RBFA: variants seen among roughly 807,000 people sequenced by gnomAD.
RBFA encodes ribosome binding factor A, also known as putative ribosome-binding factor A, mitochondrial.
RBFA carries 16 observed loss-of-function variants against 27.9 expected under a neutral mutation model. That is an observed-to-expected ratio of 0.57 (90% CI 0.39 to 0.87). The LOEUF is 0.87. RBFA is among the 40% of genes least tolerant of loss of function. The probability of loss-of-function intolerance (pLI) is 0.00; values close to 1 mark genes in which losing one functional copy is unlikely to be tolerated. For missense variants in RBFA, 456 were observed against 432.1 expected (o/e 1.06, Z -0.49); for synonymous variants, 181 against 181.0 (o/e 1.00, Z 0.00).
At chr18:80,037,646 T>G (rs1297994839) in intron 3 of RBFA, 140 bp downstream of exon 3, 6 of 610,012 alleles carry the variant, frequency 9.8e-6, no homozygotes, top group Non-Finnish European at 1.6e-5. Flanking sequence ...TCCTAGCACT[T>G]TGGGAGGCTG....
Position 80,046,103 on chromosome 18 carries a change from G to C in RBFA, c.980G>C (p.Arg327Thr). The change falls in exon 7 of 7, where the codon AGA becomes ACA. Residue 327 changes from arginine to threonine, a missense_variant. Physicochemically the swap from Arg to Thr is moderately conservative, Grantham distance 71 (BLOSUM62 -1). Coordinates refer to ENST00000306735, the MANE Select transcript of RBFA (RefSeq NM_024805.3). Reference protein sequence around the residue: ...APDTEELEAERGGGRTEDGHS... With the variant: ...APDTEELEAETGGGRTEDGHS... Reference sequence around the variant, plus strand: ...GACACAGAGGAGTTGGAGGCAGAGAGAGGAGGTGGCAGAACAGAGGATGGC... The same window carrying C: ...GACACAGAGGAGTTGGAGGCAGAGACAGGAGGTGGCAGAACAGAGGATGGC... 1.2e-6 allele frequency: 2 copies of C among 1,614,180 alleles called. No individual in the cohort carries two copies. Among genetic ancestry groups the C allele is most frequent in the Non-Finnish European group, 1.7e-6 (2 of 1,180,028 alleles).
chr18:80,042,059 A>G (rs1016357196), intron 4 of RBFA, 76 bp from the exon 5 acceptor site: 10 of 1,093,398 alleles, frequency 9.1e-6, no homozygotes, highest in African/African-American at 6.4e-5. Flanking sequence ...ATCTTGAATC[A>G]TATGTTCAGC....
intron 4 of RBFA, among the ~76,000 whole-genome samples, chr18:80,040,675 T>TG (rs1176453288): frequency 1.3e-5 from 2 of 152,030 alleles, no homozygotes; most frequent in African/African-American, 2.4e-5. Context: ...ATTGATTTTG[T>TG]GGGGGGGAGT....
In RBFA at chr18:80,036,649, G is replaced by A. The variant is rs1332042438; in HGVS notation, c.159-19G>A. On this transcript the variant is annotated intron_variant, in intron 1 of 6. Coordinates refer to ENST00000306735, the MANE Select transcript of RBFA (RefSeq NM_024805.3). ...TTGACTTTGCCATCACTAACATAAT[G>A]CTTATTTTCTCCCCAAAGAAAAAAG... The A allele has an allele frequency of 1.9e-6, 3 of 1,604,668 alleles. No homozygotes were observed. The highest frequency in any genetic ancestry group is 2.2e-5 in the East Asian group (1 of 44,818).
At chr18:80,042,508 A>G (rs975535230) in intron 5 of RBFA, among the ~76,000 whole-genome samples, 2 of 152,066 alleles carry the variant, frequency 1.3e-5, no homozygotes, top group Admixed American at 1.3e-4. Flanking sequence ...CAGTGGCTCA[A>G]GCCTGTAATC....
At position 80,034,488 on chromosome 18, in the gene RBFA, G is replaced by A. The variant is rs1004390600; in HGVS notation, c.-8G>A. ...CTCCCTGCTCGCTCCGGGTCCCGGC[G>A]CCGCGCCATGTGGGCTGCGGCGGGC... On this transcript the variant is annotated 5_prime_UTR_variant, in exon 1 of 7. Coordinates refer to ENST00000306735, the MANE Select transcript of RBFA (RefSeq NM_024805.3). 1.3e-6 allele frequency: 2 copies of A among 1,527,690 alleles called. No individual in the cohort carries two copies. The allele number at this position is 1,527,690 out of a possible 1,614,324, so 94.6% of individuals were successfully genotyped here.
Position 80,049,825 on chromosome 18 carries a change from A to G in RBFA, c.*3670A>G, listed in dbSNP as rs1352210295. The stretch of plus-strand genomic sequence containing the variant: ...AAGACTGGACCCAACATCCAGCACA[A>G]TGCCTCTCAGCCTTGGCTGTGCATC... On this transcript the variant is annotated 3_prime_UTR_variant, in exon 7 of 7. Transcript: ENST00000306735. 6.6e-6 allele frequency among the ~76,000 whole-genome samples: 1 copy of G among 152,178 alleles called. No individual in the cohort carries two copies.
In RBFA at chr18:80,046,214, A is replaced by G. The variant is rs1017270954; in HGVS notation, c.*59A>G. ...GAAAAGCATTGGCACGCAACGCAGC[A>G]TGTGGCTTCATTGAGGCAGTTGATG... On this transcript the variant is annotated 3_prime_UTR_variant, in exon 7 of 7. Coordinates refer to ENST00000306735, the MANE Select transcript of RBFA (RefSeq NM_024805.3). 3.2e-6 allele frequency: 5 copies of G among 1,547,898 alleles called. No homozygotes were observed. Among genetic ancestry groups the G allele is most frequent in the Admixed American group, 3.7e-5 (2 of 53,884 alleles).
intron 5 of RBFA, among the ~76,000 whole-genome samples, chr18:80,043,757 T>G (rs1456488926): frequency 6.6e-6 from 1 of 152,198 alleles, no homozygotes; most frequent in East Asian, 1.9e-4. Context: ...GAGGAGCAGT[T>G]TTCTTTTGTA....
Position 80,048,519 on chromosome 18 carries a change from C to T in RBFA, c.*2364C>T, listed in dbSNP as rs1055280787. 5.9e-5 allele frequency among the ~76,000 whole-genome samples: 9 copies of T among 152,320 alleles called. No individual in the cohort carries two copies. In the East Asian group the frequency reaches 1.7e-3, roughly 29 times the overall value. The stretch of plus-strand genomic sequence containing the variant: ...TTTGTCTCAGGTCCTTCTAGCACAT[C>T]TGACAGGGACTAGTGTCTAGAGCCA... On this transcript the variant is annotated 3_prime_UTR_variant, in exon 7 of 7. Coordinates refer to ENST00000306735, the MANE Select transcript of RBFA (RefSeq NM_024805.3).
At position 80,045,936 on chromosome 18, in the gene RBFA, G is replaced by T; in HGVS notation, c.813G>T (p.Leu271=). Reference sequence around the variant, plus strand: ...TGTGGCAGGGGCAGGTGGCTGAGCTGACAACGCAGATGAAAAAGGGAAGGA... The same window carrying T: ...TGTGGCAGGGGCAGGTGGCTGAGCTTACAACGCAGATGAAAAAGGGAAGGA... ...GLVWQGQVAE[L]TTQMKKGRKR... is the part of the protein sequence containing the mutation. Residue 271 remains leucine, a synonymous_variant, in exon 7 of 7, where the codon CTG becomes CTT. Transcript: ENST00000306735. 6.2e-7 allele frequency: 1 copy of T among 1,613,992 alleles called. No homozygotes were observed. The highest frequency in any genetic ancestry group is 8.5e-7 in the Non-Finnish European group (1 of 1,179,962).
intron 6 of RBFA, among the ~76,000 whole-genome samples, chr18:80,044,881 C>T (rs146339748): frequency 1.9e-3 from 295 of 152,350 alleles, no homozygotes; most frequent in African/African-American, 6.7e-3. Context: ...TAGACAGCAG[C>T]GTCAACATCG....
At chr18:80,041,081 G>A (rs1487389309) in intron 4 of RBFA, among the ~76,000 whole-genome samples, 2 of 152,124 alleles carry the variant, frequency 1.3e-5, no homozygotes, top group Non-Finnish European at 2.9e-5. Context: ...TGTGGGCTTC[G>A]TTCCAGGCAC....
chr18:80,044,028 G>A (rs569473481), intron 5 of RBFA, among the ~76,000 whole-genome samples, 184 bp from the exon 6 acceptor site: 1 of 152,372 alleles, frequency 6.6e-6, no homozygotes, highest in Non-Finnish European at 1.5e-5. Context: ...TAAAGTAACA[G>A]TAAGGTATTT....
rs2052049241 is a variant in RBFA at position 80,045,877 on chromosome 18, A to G, written c.754A>G (p.Lys252Glu). The G allele has an allele frequency of 1.2e-6, 2 of 1,607,384 alleles. No homozygotes were observed. The highest frequency in any genetic ancestry group is 2.7e-5 in the African/African-American group (2 of 74,508). ...EALNKQIMEYKRRKDKGLGGL... is the reference protein window; with the variant it reads ...EALNKQIMEYERRKDKGLGGL... The stretch of plus-strand genomic sequence containing the variant: ...GCTCAACAAGCAGATTATGGAGTAC[A>G]AAAGGAGGAAAGATAAAGGGCTCGG... The change falls in exon 7 of 7, where the codon AAA becomes GAA. Residue 252 changes from lysine to glutamate, a missense_variant. Physicochemically the swap from Lys to Glu is moderately conservative, Grantham distance 56. Coordinates refer to ENST00000306735, the MANE Select transcript of RBFA (RefSeq NM_024805.3).
At chr18:80,043,860 A>C (rs2052032819) in intron 5 of RBFA, among the ~76,000 whole-genome samples, 1 of 152,218 alleles carries the variant, frequency 6.6e-6, no homozygotes, top group Non-Finnish European at 1.5e-5. Flanking sequence ...ATTCTGTGGC[A>C]AAACTGAAGC....
chr18:80,039,548 A>C (rs1041852708), intron 4 of RBFA, among the ~76,000 whole-genome samples: 2 of 152,060 alleles, frequency 1.3e-5, no homozygotes, highest in Non-Finnish European at 2.9e-5. Flanking sequence ...TGAACCTACC[A>C]CTCCGGAGCA....
chr18:80,039,239 G>C lies in RBFA; in HGVS notation c.491+622G>C, dbSNP rs1003424183. Among the ~76,000 whole-genome samples the C allele has an allele frequency of 7.9e-5, 12 of 152,188 alleles. No individual in the cohort carries two copies. In the South Asian group the frequency reaches 2.5e-3, roughly 31 times the overall value. On this transcript the variant is annotated intron_variant, in intron 4 of 6. Coordinates refer to ENST00000306735, the MANE Select transcript of RBFA (RefSeq NM_024805.3). ...AGGCTGAGGTGGGAGGTATCCCCTG[G>C]ATTCCTATCAGCCCAGGAATTTGAG... is the stretch of plus-strand genomic sequence containing the variant.
Position 80,046,656 on chromosome 18 carries a change from G to C in RBFA, c.*501G>C, listed in dbSNP as rs918666523. Among the ~76,000 whole-genome samples the C allele has an allele frequency of 6.6e-6, 1 of 152,144 alleles. No individual in the cohort carries two copies. Among genetic ancestry groups the C allele is most frequent in the Non-Finnish European group, 1.5e-5 (1 of 68,018 alleles). On this transcript the variant is annotated 3_prime_UTR_variant, in exon 7 of 7. Transcript: ENST00000306735. ...GGCTGCTGGGTCGGCACGTGGCGCC[G>C]GGGGCTCCGTCCCTGACTGGCCTCT...
Sources: allele counts gnomAD v4.1 joint callset (sites outside exome capture counted in the v4.1 genomes callset), GRCh38; gene constraint gnomAD v4.1.1; transcripts MANE v1.5; gene names NCBI Gene and HGNC (gene_info 2026-07-23, HGNC 2026-07-21).